The following NEO1 variants were observed in gnomAD, a reference collection of about 807,000 sequenced individuals.
NEO1 encodes the protein neogenin 1, also known as neogenin.
A neutral mutation model predicts 159.7 loss-of-function variants in NEO1; 63 were observed. The observed-to-expected ratio is 0.39, with a 90% CI of 0.32 to 0.49. NEO1 has a LOEUF of 0.49. NEO1 is among the 20% of genes least tolerant of loss of function. NEO1 has a pLI of 0.85. For missense variants in NEO1, 1,615 were observed against 1,831.0 expected (o/e 0.88, Z 2.15); for synonymous variants, 633 against 662.0 (o/e 0.96, Z 0.67).
chr15:73,052,611 G>A lies in NEO1; in HGVS notation c.-65G>A. The A allele has an allele frequency of 9.5e-7, 1 of 1,048,324 alleles. No homozygotes were observed. Among genetic ancestry groups the A allele is most frequent in the Non-Finnish European group, 1.2e-6 (1 of 837,516 alleles). 64.9% of individuals were successfully genotyped at this position (1,048,324 alleles called of 1,614,324 possible). A position where few individuals can be genotyped will look rare whatever the true frequency, so the allele number is the denominator to read the frequency against. On this transcript the variant is annotated 5_prime_UTR_variant, in exon 1 of 29. Transcript: ENST00000261908. ...AGCGAGGGACCGGCTGAGGCGCGCG[G>A]GAGGGAAGGAGGCAAGGGCTCCGCG...
At chr15:73,053,768 T>C (rs1038918641) in intron 1 of NEO1, among the ~76,000 whole-genome samples, 1 of 152,240 alleles carries the variant, frequency 6.6e-6, no homozygotes, top group African/African-American at 2.4e-5. Flanking sequence ...GTTAAAATTA[T>C]TTGACCAAGG....
intron 1 of NEO1, among the ~76,000 whole-genome samples, chr15:73,110,975 A>C (rs1248323088): frequency 1.3e-5 from 2 of 152,092 alleles, no homozygotes; most frequent in East Asian, 1.9e-4. Flanking sequence ...CCACCAACAA[A>C]ATTTTTGTTA....
intron 9 of NEO1, among the ~76,000 whole-genome samples, chr15:73,244,981 A>AAAAAAAAAAC (rs1426485832): frequency 1.4e-5 from 2 of 148,112 alleles, no homozygotes; most frequent in African/African-American, 4.9e-5. Context: ...AAAAAAAAAA[A>AAAAAAAAAAC]AACAACAGCA....
In NEO1 at chr15:73,302,973, A is replaced by G; in HGVS notation, c.*277A>G. On this transcript the variant is annotated 3_prime_UTR_variant, in exon 29 of 29. Coordinates refer to ENST00000261908, the MANE Select transcript of NEO1 (RefSeq NM_002499.4). ...GGCCAAAATTTTGTGTCCAGGGAAG[A>G]GGCGAGAAGTGCAACCTGCATTTCA... 2.6e-6 allele frequency: 1 copy of G among 385,682 alleles called. No individual in the cohort carries two copies. The highest frequency in any genetic ancestry group is 4.8e-6 in the Non-Finnish European group (1 of 206,262). 23.9% of individuals were successfully genotyped at this position (385,682 alleles called of 1,614,324 possible).
chr15:73,186,327 A>G (rs941943602), intron 7 of NEO1, among the ~76,000 whole-genome samples: 1 of 150,086 alleles, frequency 6.7e-6, no homozygotes, highest in African/African-American at 2.5e-5. Context: ...TTAAGTCCTT[A>G]AAAAAAAAGG....
At chr15:73,169,641 TC>T (rs1227461083) in intron 5 of NEO1, among the ~76,000 whole-genome samples, 5 of 125,402 alleles carry the variant, frequency 4.0e-5, no homozygotes, top group Non-Finnish European at 8.7e-5. Context: ...TGCTCCCCCC[TC>T]CTTTTTTTTT....
intron 24 of NEO1, among the ~76,000 whole-genome samples, 183 bp downstream of exon 24, chr15:73,288,734 A>G (rs1175258655): frequency 1.3e-5 from 2 of 151,956 alleles, no homozygotes; most frequent in Non-Finnish European, 1.5e-5. Flanking sequence ...TGGGAGAGAG[A>G]TTCTGTAGCC....
At chr15:73,110,309 TAC>T (rs375542916) in intron 1 of NEO1, among the ~76,000 whole-genome samples, 3 of 152,330 alleles carry the variant, frequency 2.0e-5, no homozygotes, top group African/African-American at 7.2e-5. Flanking sequence ...ATGAACATTA[TAC>T]AGAATGCTTG....
At chr15:73,205,628 C>A (rs1360430281) in intron 7 of NEO1, among the ~76,000 whole-genome samples, 1 of 152,124 alleles carries the variant, frequency 6.6e-6, no homozygotes, top group Non-Finnish European at 1.5e-5. Flanking sequence ...TGTAAGATTA[C>A]CTTTTAAGTG....
At chr15:73,215,330 T>G (rs570235404) in intron 7 of NEO1, among the ~76,000 whole-genome samples, 3 of 152,200 alleles carry the variant, frequency 2.0e-5, no homozygotes, top group African/African-American at 7.2e-5. Flanking sequence ...AAAGAAGTGG[T>G]GAGAGTGGGC....
chr15:73,227,836 C>T (rs1157589400), intron 7 of NEO1, among the ~76,000 whole-genome samples: 3 of 152,156 alleles, frequency 2.0e-5, no homozygotes, highest in Non-Finnish European at 2.9e-5. Context: ...AAATCAAGAG[C>T]ACATCCTGTT....
At chr15:73,269,507 C>T (rs527265147) in intron 16 of NEO1, among the ~76,000 whole-genome samples, 2 of 152,054 alleles carry the variant, frequency 1.3e-5, no homozygotes, top group African/African-American at 2.4e-5. Context: ...ACCCCAGGCA[C>T]CTGCCACCAT....
chr15:73,275,915 A>T (rs773813244), intron 21 of NEO1, among the ~76,000 whole-genome samples: 1 of 152,170 alleles, frequency 6.6e-6, no homozygotes, highest in Non-Finnish European at 1.5e-5. Flanking sequence ...TAGAATTGCA[A>T]GTTATTTGGA....
intron 1 of NEO1, among the ~76,000 whole-genome samples, chr15:73,083,188 G>T (rs1203167718): frequency 2.0e-5 from 3 of 152,182 alleles, no homozygotes; most frequent in African/African-American, 7.2e-5. Flanking sequence ...AATGAGAAAT[G>T]AATTGGAGCA....
intron 12 of NEO1, 96 bp from the exon 13 acceptor site, chr15:73,254,586 T>G: frequency 7.6e-7 from 1 of 1,324,488 alleles, no homozygotes; most frequent in Non-Finnish European, 1.0e-6. Flanking sequence ...CTCTATGTTT[T>G]TTCTCTTTAA....
At chr15:73,124,021 C>T (rs1356030967) in intron 3 of NEO1, among the ~76,000 whole-genome samples, 1 of 151,882 alleles carries the variant, frequency 6.6e-6, no homozygotes, top group Non-Finnish European at 1.5e-5. Flanking sequence ...TTAAAGTGTG[C>T]GTTTGTGCGT....
chr15:73,142,984 TA>T, intron 5 of NEO1, among the ~76,000 whole-genome samples: 1 of 151,984 alleles, frequency 6.6e-6, no homozygotes, highest in Non-Finnish European at 1.5e-5. Context: ...GAAAATGAAA[TA>T]AACTGAGTAA....
At chr15:73,070,808 T>C (rs1226433127) in intron 1 of NEO1, among the ~76,000 whole-genome samples, 1 of 152,208 alleles carries the variant, frequency 6.6e-6, no homozygotes, top group Non-Finnish European at 1.5e-5. Flanking sequence ...TCTAAATATT[T>C]TCATATCATG....
At chr15:73,274,441 A>G (rs77299978) in intron 20 of NEO1, among the ~76,000 whole-genome samples, 308 of 152,346 alleles carry the variant, frequency 2.0e-3, no homozygotes, top group Non-Finnish European at 3.8e-3. Flanking sequence ...ATAAAACCCT[A>G]GATAAGAAAA....
Sources: allele counts gnomAD v4.1 joint callset (sites outside exome capture counted in the v4.1 genomes callset), GRCh38; gene constraint gnomAD v4.1.1; transcripts MANE v1.5; gene names NCBI Gene and HGNC (gene_info 2026-07-23, HGNC 2026-07-21).